The following PLEKHM3 variants were observed in gnomAD, a reference collection of about 807,000 sequenced individuals.
PLEKHM3 encodes pleckstrin homology domain-containing family M member 3.
PLEKHM3 carries 45 observed loss-of-function variants against 81.8 expected under a neutral mutation model. That is an observed-to-expected ratio of 0.55 (90% CI 0.43 to 0.71). The LOEUF (loss-of-function observed/expected upper bound fraction) is 0.71, where lower values mean the gene tolerates loss of function less well. Among genes scored for constraint, PLEKHM3 ranks in the 30% least tolerant of loss-of-function variants. The pLI, the probability that PLEKHM3 is intolerant of heterozygous loss-of-function variation, is 0.00. For missense variants in PLEKHM3, 788 were observed against 924.3 expected (o/e 0.85, Z 1.91); for synonymous variants, 352 against 356.4 (o/e 0.99, Z 0.14).
intron 3 of PLEKHM3, among the ~76,000 whole-genome samples, chr2:207,970,159 G>A (rs745419711): frequency 6.6e-6 from 1 of 152,036 alleles, no homozygotes; most frequent in Non-Finnish European, 1.5e-5. Context: ...GGGAGCAACC[G>A]CTGAAAAGCT....
chr2:207,917,204 T>A (rs1014233779), intron 5 of PLEKHM3, among the ~76,000 whole-genome samples: 2 of 152,250 alleles, frequency 1.3e-5, no homozygotes, highest in African/African-American at 4.8e-5. Context: ...GCAGCTAATC[T>A]GTTAAGGCTA....
intron 6 of PLEKHM3, among the ~76,000 whole-genome samples, chr2:207,881,299 T>C (rs1212202469): frequency 2.6e-5 from 4 of 152,246 alleles, no homozygotes; most frequent in African/African-American, 7.2e-5. Context: ...TGAGCCATAC[T>C]TTAAACCTAT....
chr2:208,011,300 G>A (rs762151729), intron 1 of PLEKHM3, among the ~76,000 whole-genome samples: 19 of 152,076 alleles, frequency 1.2e-4, no homozygotes, highest in Non-Finnish European at 2.2e-4. Flanking sequence ...CATGTTTATC[G>A]TAGCACAATT....
intron 6 of PLEKHM3, among the ~76,000 whole-genome samples, chr2:207,885,047 G>A (rs543493854): frequency 6.6e-6 from 1 of 152,344 alleles, no homozygotes; most frequent in East Asian, 1.9e-4. Context: ...CACAAGGAAA[G>A]CCATGTAAGG....
At position 208,001,564 on chromosome 2, in the gene PLEKHM3, T is replaced by A; in HGVS notation, c.76A>T (p.Asn26Tyr). ...TEEFFSTLDS[N>Y]LEKAVQQAEV... ...GCCTGCTGCACAGCCTTTTCTAGAT[T>A]ACTATCCAAAGTACTAAAGAATTCC... Residue 26 changes from asparagine (N) to tyrosine (Y), a missense_variant, in exon 2 of 8, where the codon AAT becomes TAT. Coordinates refer to ENST00000427836, the MANE Select transcript of PLEKHM3 (RefSeq NM_001080475.3). 6.2e-7 allele frequency: 1 copy of A among 1,614,214 alleles called. No homozygotes were observed. Among genetic ancestry groups the A allele is most frequent in the East Asian group, 2.2e-5 (1 of 44,886 alleles).
intron 5 of PLEKHM3, among the ~76,000 whole-genome samples, chr2:207,930,632 A>G (rs905977828): frequency 6.6e-6 from 1 of 152,174 alleles, no homozygotes; most frequent in African/African-American, 2.4e-5. Flanking sequence ...TATTATCTCA[A>G]ATTAACATAT....
intron 3 of PLEKHM3, among the ~76,000 whole-genome samples, chr2:207,949,784 A>ATT (rs1190398230): frequency 1.3e-5 from 2 of 151,974 alleles, no homozygotes. Context: ...ACTAAAAAAA[A>ATT]TTTTTTTTGA....
chr2:208,004,235 T>C (rs868731694), intron 1 of PLEKHM3, among the ~76,000 whole-genome samples: 1 of 151,702 alleles, frequency 6.6e-6, no homozygotes, highest in African/African-American at 2.4e-5. Context: ...GCCAACATGG[T>C]GAAACCTCAT....
chr2:207,961,111 C>T (rs1574446476), intron 3 of PLEKHM3, among the ~76,000 whole-genome samples: 1 of 152,190 alleles, frequency 6.6e-6, no homozygotes, highest in African/African-American at 2.4e-5. Context: ...GGACTATAAA[C>T]AGAAGACCAA....
Position 207,976,874 on chromosome 2 carries a change from T to C in PLEKHM3, c.1323A>G (p.Arg441=). ...CCTCCATCCATTCCTGAGCCCTCTG[T>C]CGGGTCTCAGCTCGGAGGCGAAGGA... The part of the protein sequence containing the change: ...QDVLRLRAET[R]QRAQEWMEAL... Residue 441 remains arginine (R), a synonymous_variant, in exon 3 of 8, where the codon CGA becomes CGG. Coordinates refer to ENST00000427836, the MANE Select transcript of PLEKHM3 (RefSeq NM_001080475.3). This position sits in a 1 kb window ranked among gnomAD's most constrained non-coding sequence, Gnocchi z 4.1. 3.1e-6 allele frequency: 5 copies of C among 1,614,216 alleles called. No individual in the cohort carries two copies. The highest frequency in any genetic ancestry group is 4.2e-6 in the Non-Finnish European group (5 of 1,180,044).
intron 4 of PLEKHM3, among the ~76,000 whole-genome samples, chr2:207,937,768 A>G (rs1204223705): frequency 6.6e-6 from 1 of 152,232 alleles, no homozygotes; most frequent in African/African-American, 2.4e-5. Context: ...TTGCTTTGGT[A>G]AAACATTTCC....
chr2:208,013,001 T>C (rs1005530856), intron 1 of PLEKHM3, among the ~76,000 whole-genome samples: 1 of 152,114 alleles, frequency 6.6e-6, no homozygotes, highest in African/African-American at 2.4e-5. Flanking sequence ...TAGTGGAAAG[T>C]AAGACACAAA....
chr2:207,847,616 C>T (rs1030423699), intron 7 of PLEKHM3, among the ~76,000 whole-genome samples: 1 of 152,134 alleles, frequency 6.6e-6, no homozygotes, highest in African/African-American at 2.4e-5. Context: ...AAAACACAAG[C>T]GAGAGTCTGG....
intron 1 of PLEKHM3, among the ~76,000 whole-genome samples, chr2:208,015,801 C>T (rs1692886651): frequency 1.3e-5 from 2 of 152,168 alleles, no homozygotes; most frequent in Non-Finnish European, 2.9e-5. Context: ...TTAAAACAAC[C>T]TGCAAACAAA....
intron 7 of PLEKHM3, among the ~76,000 whole-genome samples, chr2:207,841,480 AAT>A (rs769138417): frequency 0.095 from 3,539 of 37,156 alleles, 122 homozygotes; most frequent in South Asian, 0.18. Context: ...AAAAAAAAAA[AAT>A]ATATATATAT....
chr2:207,951,598 C>T (rs780777498), intron 3 of PLEKHM3, among the ~76,000 whole-genome samples: 4 of 152,140 alleles, frequency 2.6e-5, no homozygotes, highest in Non-Finnish European at 5.9e-5. Flanking sequence ...GCTTAGCCTC[C>T]CCTCTGATAC....
chr2:207,941,018 G>C (rs1021345561), intron 4 of PLEKHM3, among the ~76,000 whole-genome samples: 1 of 152,142 alleles, frequency 6.6e-6, no homozygotes, highest in African/African-American at 2.4e-5. Flanking sequence ...AGAATACTTA[G>C]GAAGAGGCAT....
intron 1 of PLEKHM3, among the ~76,000 whole-genome samples, chr2:208,024,152 T>G (rs1409306020): frequency 7.2e-6 from 1 of 139,846 alleles, no homozygotes; most frequent in Non-Finnish European, 1.5e-5. Context: ...CAAAATAAAA[T>G]AAAATAAAAT....
chr2:207,833,576 A>G (rs1253927066), intron 7 of PLEKHM3, among the ~76,000 whole-genome samples: 1 of 151,614 alleles, frequency 6.6e-6, no homozygotes, highest in Non-Finnish European at 1.5e-5. Flanking sequence ...TGACATTTTG[A>G]GTTATAATCC....
Sources: gnomAD v4.1 joint callset for allele counts (sites outside exome capture counted in the v4.1 genomes callset) on GRCh38, gnomAD v4.1.1 for gene constraint, Gnocchi (gnomAD v3.1) non-coding constraint, MANE v1.5 for transcripts, NCBI Gene and HGNC (gene_info 2026-07-23, HGNC 2026-07-21) for gene names.